Variants in RFX4 observed in about 807,000 individuals in gnomAD.
The protein encoded by RFX4 is regulatory factor X4.
RFX4 carries 10 observed loss-of-function variants against 95.0 expected under a neutral mutation model. That is an observed-to-expected ratio of 0.11 (90% CI 0.06 to 0.18). RFX4 has a LOEUF of 0.18. RFX4 is among the 10% of genes least tolerant of loss of function. The pLI, the probability that RFX4 is intolerant of heterozygous loss-of-function variation, is 1.00. For synonymous variants in RFX4, 321 were observed against 340.7 expected, an observed-to-expected ratio of 0.94 and a Z score of 0.64; for missense variants, 640 against 922.0, an observed-to-expected ratio of 0.69 and a Z score of 3.96.
intron 11 of RFX4, among the ~76,000 whole-genome samples, chr12:106,716,888 G>T (rs1269930393): frequency 6.6e-6 from 1 of 151,420 alleles, no homozygotes; most frequent in Admixed American, 6.6e-5. Context: ...CCTAACTCAA[G>T]GTCATGCAGC....
At chr12:106,634,864 C>A (rs1316858922) in intron 2 of RFX4, among the ~76,000 whole-genome samples, 1 of 152,202 alleles carries the variant, frequency 6.6e-6, no homozygotes, top group African/African-American at 2.4e-5. Context: ...TCTGTGCCTA[C>A]CTGTATCACA....
intron 16 of RFX4, among the ~76,000 whole-genome samples, chr12:106,748,756 C>A (rs2042941595): frequency 6.6e-6 from 1 of 151,424 alleles, no homozygotes; most frequent in Non-Finnish European, 1.5e-5. Flanking sequence ...CGAGACCAGC[C>A]TGGCTAACAT....
chr12:106,682,773 C>T (rs1470160186), intron 5 of RFX4: 2 of 152,246 alleles, frequency 1.3e-5, no homozygotes, highest in Non-Finnish European at 2.9e-5. Context: ...GTGCAGAAGG[C>T]TGTGCAGACA....
chr12:106,680,874 C>T (rs2041492776), intron 4 of RFX4: 1 of 152,248 alleles, frequency 6.6e-6, no homozygotes, highest in African/African-American at 2.4e-5. Context: ...ATTATCATTC[C>T]TATTTTACAA....
At chr12:106,637,181 G>A (rs935470764) in intron 2 of RFX4, among the ~76,000 whole-genome samples, 2 of 152,122 alleles carry the variant, frequency 1.3e-5, no homozygotes, top group African/African-American at 2.4e-5. Context: ...TTTGAAAGGG[G>A]GTCATTCTCC....
chr12:106,741,486 CATTAGCCACCTGTGGCT>C (rs1310325056), intron 15 of RFX4, among the ~76,000 whole-genome samples: 1 of 152,178 alleles, frequency 6.6e-6, no homozygotes, highest in Non-Finnish European at 1.5e-5. Flanking sequence ...AAACAGTAGC[CATTAGCCACCTGTGGCT>C]ATTAAGCACT....
At chr12:106,649,658 A>T (rs531989273) in intron 3 of RFX4, among the ~76,000 whole-genome samples, 1 of 152,316 alleles carries the variant, frequency 6.6e-6, no homozygotes, top group South Asian at 2.1e-4. Context: ...TTTAGTAAGC[A>T]CACAAGCCAC....
intron 1 of RFX4, 100 bp downstream of exon 1, chr12:106,583,463 C>A: frequency 8.6e-7 from 1 of 1,158,966 alleles, no homozygotes; most frequent in Non-Finnish European, 1.2e-6. Flanking sequence ...GACGGGTCAA[C>A]TTGACAGTGG....
Position 106,583,270 on chromosome 12 carries a change from C to T in RFX4, c.-51C>T. On this transcript the variant is annotated 5_prime_UTR_variant, in exon 1 of 18. Transcript: ENST00000392842. ...CCTGGGCATCTCTAGCACAGGGGATCCCCAAACATCAGGACTTTTGGGGGG... is the reference window on the plus strand; with the variant it reads ...CCTGGGCATCTCTAGCACAGGGGATTCCCAAACATCAGGACTTTTGGGGGG... 1 of 1,302,520 alleles carries T rather than the reference C, an allele frequency of 7.7e-7. No homozygotes were observed. Among genetic ancestry groups the T allele is most frequent in the East Asian group, 3.7e-5 (1 of 27,296 alleles). The allele number at this position is 1,302,520 out of a possible 1,614,324, so 80.7% of individuals were successfully genotyped here. A position where few individuals can be genotyped will look rare whatever the true frequency, so the allele number is the denominator to read the frequency against.
chr12:106,726,928 C>A (rs1329479193), intron 13 of RFX4, among the ~76,000 whole-genome samples: 1 of 152,140 alleles, frequency 6.6e-6, no homozygotes, highest in Non-Finnish European at 1.5e-5. Flanking sequence ...TGTACCACCA[C>A]GCCCAGCTAA....
intron 4 of RFX4, among the ~76,000 whole-genome samples, chr12:106,680,325 TCCATC>T (rs2041481654): frequency 6.6e-6 from 1 of 152,144 alleles, no homozygotes; most frequent in African/African-American, 2.4e-5. Flanking sequence ...TGCACTTCTG[TCCATC>T]CCATTGATAC....
chr12:106,616,360 A>G (rs1182932065), intron 2 of RFX4, among the ~76,000 whole-genome samples: 1 of 152,192 alleles, frequency 6.6e-6, no homozygotes, highest in East Asian at 1.9e-4. Flanking sequence ...TGATTTTTAT[A>G]TATTTCAGGC....
intron 2 of RFX4, among the ~76,000 whole-genome samples, chr12:106,629,098 T>A (rs1458212353): frequency 1.3e-5 from 2 of 152,186 alleles, no homozygotes; most frequent in Non-Finnish European, 2.9e-5. Flanking sequence ...GCATACTATA[T>A]GCACTGTGCT....
intron 7 of RFX4, among the ~76,000 whole-genome samples, chr12:106,691,645 A>C (rs552738505): frequency 6.6e-6 from 1 of 152,326 alleles, no homozygotes; most frequent in South Asian, 2.1e-4. Flanking sequence ...CTAGTATCAC[A>C]GTCCTAAATT....
At chr12:106,632,666 TTTTTG>T (rs981634465) in intron 2 of RFX4, among the ~76,000 whole-genome samples, 1 of 152,182 alleles carries the variant, frequency 6.6e-6, no homozygotes, top group South Asian at 2.1e-4. Context: ...TTGGGGTTTC[TTTTTG>T]TTTTGTTTTG....
chr12:106,593,055 C>T (rs1023832522), intron 1 of RFX4, among the ~76,000 whole-genome samples: 1 of 152,156 alleles, frequency 6.6e-6, no homozygotes, highest in Non-Finnish European at 1.5e-5. Context: ...ACCCTCAAGG[C>T]AGGAATACTT....
At chr12:106,588,014 G>C (rs1391115033) in intron 1 of RFX4, among the ~76,000 whole-genome samples, 1 of 152,142 alleles carries the variant, frequency 6.6e-6, no homozygotes, top group Non-Finnish European at 1.5e-5. Context: ...GTAAAATGAA[G>C]GGTTAGACAG....
chr12:106,712,522 G>A (rs2042210202), intron 10 of RFX4, among the ~76,000 whole-genome samples: 1 of 152,150 alleles, frequency 6.6e-6, no homozygotes, highest in African/African-American at 2.4e-5. Context: ...GGTCAAGGTG[G>A]TAGGGAGGGG....
At chr12:106,628,446 T>C (rs545279864) in intron 2 of RFX4, among the ~76,000 whole-genome samples, 1 of 152,286 alleles carries the variant, frequency 6.6e-6, no homozygotes, top group East Asian at 1.9e-4. Context: ...AGATTATGGG[T>C]GTTTATAATT....
Sources: gnomAD v4.1 joint callset for allele counts (sites outside exome capture counted in the v4.1 genomes callset) on GRCh38, gnomAD v4.1.1 for gene constraint, MANE v1.5 for transcripts, NCBI Gene and HGNC (gene_info 2026-07-23, HGNC 2026-07-21) for gene names.